The following DMD variants were observed in gnomAD, a reference collection of about 807,000 sequenced individuals.
DMD encodes mutant dystrophin.
In DMD, 63 loss-of-function variants were observed where a neutral mutation model predicts 330.1. The observed-to-expected ratio is 0.19, with a 90% CI of 0.16 to 0.24. The LOEUF (loss-of-function observed/expected upper bound fraction) is 0.24. DMD is among the 10% of genes least tolerant of loss of function. DMD has a pLI of 1.00. For missense variants in DMD, 3,344 were observed against 2,684.1 expected (o/e 1.25, Z -5.43); for synonymous variants, 1,223 against 959.8 (o/e 1.27, Z -5.07).
chrX:31,858,613 T>A (rs1371210307), intron 48 of DMD, among the ~76,000 whole-genome samples: 1 of 110,348 alleles, frequency 9.1e-6, no homozygotes, highest in African/African-American at 3.3e-5. Context: ...AATAGATAAT[T>A]CTTAAAGTGT....
At chrX:31,910,548 GAA>G in intron 47 of DMD, among the ~76,000 whole-genome samples, 1 of 111,883 alleles carries the variant, frequency 8.9e-6, no homozygotes, top group African/African-American at 3.2e-5. Context: ...GATATAAAAA[GAA>G]ATAAAATATT....
intron 50 of DMD, among the ~76,000 whole-genome samples, chrX:31,782,646 T>C (rs1036929256): frequency 3.6e-5 from 4 of 111,726 alleles, no homozygotes; most frequent in Non-Finnish European, 7.5e-5. Context: ...GGTAGCTTGT[T>C]ACACAGCAAT....
rs1569553711 is a variant in DMD at position 32,252,815 on chromosome X, A to AATAT, written c.6290+34713_6290+34714insATAT. Reference sequence around the variant, plus strand: ...ATAAATATATATATAAATATATATAAGTATATAAATATATATAAATATATA... The same window carrying AATAT: ...ATAAATATATATATAAATATATATAAATATGTATATAAATATATATAAATATATA... On this transcript the variant is annotated intron_variant, in intron 43 of 78. Coordinates refer to ENST00000357033, the MANE Select transcript of DMD (RefSeq NM_004006.3). Among the ~76,000 whole-genome samples, 58 of 50,262 alleles carry AATAT rather than the reference A, an allele frequency of 1.2e-3. 1 individual carries two copies. Among genetic ancestry groups the AATAT allele is most frequent in the African/African-American group, 5.2e-3 (54 of 10,388 alleles). The allele number at this position is 50,262 out of a possible 115,157, so 43.6% of individuals were successfully genotyped here.
chrX:32,266,847 A>C (rs1466813752), intron 43 of DMD, among the ~76,000 whole-genome samples: 1 of 112,182 alleles, frequency 8.9e-6, no homozygotes, highest in Admixed American at 9.5e-5. Flanking sequence ...TTTTACATAC[A>C]CCACCAAATG....
rs867228855 is a variant in DMD, at chrX:31,522,351, C to A, written c.8218-14898G>T. ...TCTCTCTCTCTCTCTCTCTCTCTCT[C>A]TCTCTCTCTCTCTATATATATATAT... On this transcript the variant is annotated intron_variant, in intron 55 of 78. Coordinates refer to ENST00000357033, the MANE Select transcript of DMD (RefSeq NM_004006.3). Among the ~76,000 whole-genome samples, 9 of 64,873 alleles carry A rather than the reference C, an allele frequency of 1.4e-4. No homozygotes were observed. The South Asian group carries it at 2.4e-3, about 17-fold the overall frequency. 56.3% of individuals were successfully genotyped at this position (64,873 alleles called of 115,157 possible). A position where few individuals can be genotyped will look rare whatever the true frequency, so the allele number is the denominator to read the frequency against.
intron 67 of DMD, among the ~76,000 whole-genome samples, chrX:31,197,287 G>A (rs2042996098): frequency 8.9e-6 from 1 of 111,841 alleles, no homozygotes; most frequent in Non-Finnish European, 1.9e-5. Context: ...CACTTCTCCA[G>A]ATATTCTGGA....
At chrX:31,425,488 G>C (rs1302308717) in intron 60 of DMD, among the ~76,000 whole-genome samples, 1 of 111,641 alleles carries the variant, frequency 9.0e-6, no homozygotes, top group Non-Finnish European at 1.9e-5. Context: ...GCTCAATTAT[G>C]TTCAGATATT....
Position 32,540,409 on chromosome X carries a change from T to C in DMD, c.2168+4750A>G, listed in dbSNP as rs559531969. ...TACCTTAGATAGTTAAGAAACTATG[T>C]GGTAGAAAGCTGAATTTTAAATCCC... On this transcript the variant is annotated intron_variant, in intron 17 of 78. Coordinates refer to ENST00000357033, the MANE Select transcript of DMD (RefSeq NM_004006.3). Among the ~76,000 whole-genome samples, 13 of 111,720 alleles carry C rather than the reference T, an allele frequency of 1.2e-4. No homozygotes were observed. The South Asian group carries it at 4.1e-3, about 35-fold the overall frequency.
At chrX:31,961,742 T>TTTTTTTTTTG (rs1433295448) in intron 45 of DMD, among the ~76,000 whole-genome samples, 12 of 90,406 alleles carry the variant, frequency 1.3e-4, no homozygotes, top group African/African-American at 5.7e-4. Context: ...AGGAAGCGGT[T>TTTTTTTTTTG]TTTTTTTTTT....
intron 44 of DMD, among the ~76,000 whole-genome samples, chrX:32,209,266 A>G (rs2097084120): frequency 9.0e-6 from 1 of 111,243 alleles, no homozygotes; most frequent in Non-Finnish European, 1.9e-5. Flanking sequence ...TGCTTTCTTT[A>G]AGATGGGGGA....
chrX:32,777,498 C>T (rs993466566), intron 7 of DMD, among the ~76,000 whole-genome samples: 1 of 110,409 alleles, frequency 9.1e-6, no homozygotes, highest in Non-Finnish European at 1.9e-5. Flanking sequence ...CTCATTCTTA[C>T]TGTTATTATT....
intron 9 of DMD, among the ~76,000 whole-genome samples, chrX:32,686,159 T>G (rs1405916492): frequency 8.9e-6 from 1 of 111,847 alleles, no homozygotes; most frequent in Non-Finnish European, 1.9e-5. Context: ...TTCACTGATA[T>G]TATTTGTAGA....
chrX:32,141,966 T>C (rs2096755797), intron 44 of DMD, among the ~76,000 whole-genome samples: 1 of 111,666 alleles, frequency 9.0e-6, no homozygotes, highest in African/African-American at 3.3e-5. Flanking sequence ...CTATATCCCT[T>C]GCGCTGCTAC....
At chrX:31,345,353 C>T (rs980863188) in intron 61 of DMD, among the ~76,000 whole-genome samples, 4 of 111,390 alleles carry the variant, frequency 3.6e-5, no homozygotes, top group Non-Finnish European at 7.5e-5. Context: ...AGCTTATGGC[C>T]GATGTTCTAC....
intron 61 of DMD, among the ~76,000 whole-genome samples, chrX:31,338,941 C>T (rs1311057689): frequency 7.4e-5 from 1 of 13,565 alleles, no homozygotes; most frequent in Non-Finnish European, 1.2e-4. Context: ...ACCATCTATG[C>T]ACAAAAAAAA....
rs200026937 is a variant in DMD, at chrX:32,659,283, C to T, written c.961-14131G>A. Among the ~76,000 whole-genome samples the T allele has an allele frequency of 2.7e-5, 3 of 111,899 alleles. No homozygotes were observed. The East Asian group carries it at 8.5e-4, about 32-fold the overall frequency. ...CACATATATCACTAAATTCTGTGTG[C>T]TTTCTCTTTATTTATGTTACATACC... On this transcript the variant is annotated intron_variant, in intron 9 of 78. Transcript: ENST00000357033.
At chrX:32,365,450 G>A (rs752248819) in intron 34 of DMD, among the ~76,000 whole-genome samples, 27 of 110,449 alleles carry the variant, frequency 2.4e-4, no homozygotes, top group African/African-American at 8.2e-4. Flanking sequence ...CATACATATT[G>A]TTCAACTAAA....
chrX:33,278,140 C>T (rs2053265912), intron 1 of DMD, among the ~76,000 whole-genome samples: 1 of 111,696 alleles, frequency 9.0e-6, no homozygotes, highest in South Asian at 3.8e-4. Context: ...TGGAAACATG[C>T]AATATACATT....
chrX:31,431,391 G>T (rs982356360), intron 60 of DMD, among the ~76,000 whole-genome samples: 23 of 111,213 alleles, frequency 2.1e-4, no homozygotes, highest in African/African-American at 7.5e-4. Flanking sequence ...TTATGATGAT[G>T]ATGATTATGA....
Sources: allele counts gnomAD v4.1 joint callset (sites outside exome capture counted in the v4.1 genomes callset), GRCh38; gene constraint gnomAD v4.1.1; transcripts MANE v1.5; gene names NCBI Gene and HGNC (gene_info 2026-07-23, HGNC 2026-07-21).